Variants in ACOX3 observed in about 807,000 individuals in gnomAD.
ACOX3 encodes the protein acyl-CoA oxidase 3, pristanoyl.
ACOX3 carries 73 observed loss-of-function variants against 81.5 expected under a neutral mutation model. That is an observed-to-expected ratio of 0.90 (90% CI 0.74 to 1.09). ACOX3 has a LOEUF of 1.09. Ranked by LOEUF, ACOX3 falls within the 50% of genes least tolerant of loss-of-function variation. The pLI, the probability that ACOX3 is intolerant of heterozygous loss-of-function variation, is 0.00. For missense variants in ACOX3, 947 were observed against 928.0 expected (o/e 1.02, Z -0.27); for synonymous variants, 387 against 375.1 (o/e 1.03, Z -0.37).
the ACOX3 span, chr4:8,357,874 A>G: frequency 0.012 from 1,925 of 158,316 alleles, 18 homozygotes; most frequent in Non-Finnish European, 0.019. Flanking sequence ...TAAGTCCCCC[A>G]GCCAACTGAG....
chr4:8,428,918 T>C (rs973053934), intron 1 of ACOX3, among the ~76,000 whole-genome samples: 2 of 152,198 alleles, frequency 1.3e-5, no homozygotes, highest in Non-Finnish European at 2.9e-5. Flanking sequence ...GCCCAAGAGC[T>C]TGCTGAAGTT....
Position 8,368,789 on chromosome 4 carries a change from C to T in ACOX3, c.1984-1709G>A, listed in dbSNP as rs1345085350. 2.7e-5 allele frequency among the ~76,000 whole-genome samples: 4 copies of T among 150,344 alleles called. No individual in the cohort carries two copies. The East Asian group carries it at 5.9e-4, about 22-fold the overall frequency. On this transcript the variant is annotated intron_variant, in intron 17 of 17. Transcript: ENST00000356406. This position sits in a 1 kb window ranked among gnomAD's most constrained non-coding sequence, Gnocchi z 5.9. ...TGTTGGCCAGGCTGGAGTGCAGTGG[C>T]GCGATCACTGCCCACCACAGCCTCG...
At position 8,381,474 on chromosome 4, in the gene ACOX3, T is replaced by C. The variant is rs762482064; in HGVS notation, c.1653+18A>G. 10 of 1,602,522 alleles carry C rather than the reference T, an allele frequency of 6.2e-6. No individual in the cohort carries two copies. The highest frequency in any genetic ancestry group is 2.2e-5 in the South Asian group (2 of 90,538). ...AGAGCAAATAATACAAAAGGGAATT[T>C]TGAAAACAAATACTTACCTGGCATT... is the stretch of plus-strand genomic sequence containing the variant. On this transcript the variant is annotated intron_variant, in intron 14 of 17. Transcript: ENST00000356406. The surrounding 1 kb of genome is among the most constrained non-coding windows in gnomAD (Gnocchi z 4.3).
At position 8,406,772 on chromosome 4, in the gene ACOX3, C is replaced by T. The variant is rs185894083; in HGVS notation, c.688-729G>A. Among the ~76,000 whole-genome samples, 2 of 152,330 alleles carry T rather than the reference C, an allele frequency of 1.3e-5. No homozygotes were observed. The highest frequency in any genetic ancestry group is 2.9e-5 in the Non-Finnish European group (2 of 68,024). On this transcript the variant is annotated intron_variant, in intron 6 of 17. Coordinates refer to ENST00000356406, the MANE Select transcript of ACOX3 (RefSeq NM_003501.3). The surrounding 1 kb of genome is among the most constrained non-coding windows in gnomAD (Gnocchi z 5.6). Reference sequence around the variant, plus strand: ...TTATTAGAGACTTTTAGTACTTTCACTAATTTGCTACTGCTATCTAGAAGG... The same window carrying T: ...TTATTAGAGACTTTTAGTACTTTCATTAATTTGCTACTGCTATCTAGAAGG...
Position 8,414,443 on chromosome 4 carries a change from G to A in ACOX3, c.454-62C>T. On this transcript the variant is annotated intron_variant, in intron 4 of 17. Coordinates refer to ENST00000356406, the MANE Select transcript of ACOX3 (RefSeq NM_003501.3). The surrounding 1 kb of genome is among the most constrained non-coding windows in gnomAD (Gnocchi z 6.1). ...AAGTTCTTTGTGCACATTCCCAGAA[G>A]GACCTCACTGCCATCTTTCCTTTAA... is the stretch of plus-strand genomic sequence containing the variant. 1 of 1,394,524 alleles carries A rather than the reference G, an allele frequency of 7.2e-7. No homozygotes were observed. The highest frequency in any genetic ancestry group is 1.0e-6 in the Non-Finnish European group (1 of 981,982). 86.4% of individuals were successfully genotyped at this position (1,394,524 alleles called of 1,614,324 possible).
Position 8,414,481 on chromosome 4 carries a change from A to T in ACOX3, c.454-100T>A. ...ATCTTTCCTTTAAAGATGAAACCAC[A>T]TATCAAAGCCCCAAATTTCCATCTA... On this transcript the variant is annotated intron_variant, in intron 4 of 17. Coordinates refer to ENST00000356406, the MANE Select transcript of ACOX3 (RefSeq NM_003501.3). The surrounding 1 kb of genome is among the most constrained non-coding windows in gnomAD (Gnocchi z 6.1). 9.1e-7 allele frequency: 1 copy of T among 1,095,910 alleles called. No individual in the cohort carries two copies. 67.9% of individuals were successfully genotyped at this position (1,095,910 alleles called of 1,614,324 possible).
Position 8,389,708 on chromosome 4 carries a change from C to T in ACOX3, c.1327G>A (p.Asp443Asn). 1 of 1,614,022 alleles carries T rather than the reference C, an allele frequency of 6.2e-7. No individual in the cohort carries two copies. The change falls in exon 12 of 18, where the codon GAC becomes AAC. Residue 443 changes from aspartate (D) to asparagine (N), a missense_variant. Asp to Asn is a conservative substitution (Grantham distance 23, BLOSUM62 1). Transcript: ENST00000356406. This position sits in a 1 kb window ranked among gnomAD's most constrained non-coding sequence, Gnocchi z 5.3. Reference sequence around the variant, plus strand: ...TCGTATGTGCAGTTGGGATCGTTGTCATCTCTAAGGACACCCAACCGGTTC... The same window carrying T: ...TCGTATGTGCAGTTGGGATCGTTGTTATCTCTAAGGACACCCAACCGGTTC... ...AMNRLGVLRD[D>N]NDPNCTYEGD...
At chr4:8,408,272 A>AG (rs1242843835) in intron 6 of ACOX3, among the ~76,000 whole-genome samples, 1 of 151,724 alleles carries the variant, frequency 6.6e-6, no homozygotes, top group Non-Finnish European at 1.5e-5. Flanking sequence ...AAAAAAAAAA[A>AG]AGAAAAAAAG....
chr4:8,380,813 C>T (rs368344602), intron 14 of ACOX3, among the ~76,000 whole-genome samples: 139 of 152,334 alleles, frequency 9.1e-4, no homozygotes, highest in African/African-American at 3.0e-3. Context: ...TTAGGGCTGG[C>T]GCACTCCAGC....
At chr4:8,365,376 A>G (rs1715348316), downstream of ACOX3, among the ~76,000 whole-genome samples, 1 of 152,260 alleles carries the variant, frequency 6.6e-6, no homozygotes, top group Admixed American at 6.5e-5. Context: ...TTTAAACCCA[A>G]GGAAGCTTCT....
At chr4:8,373,540 G>T in intron 16 of ACOX3, 21 bp downstream of exon 16, 1 of 1,613,510 alleles carries the variant, frequency 6.2e-7, no homozygotes, top group Non-Finnish European at 8.5e-7. Context: ...TGTAGAGAAC[G>T]CGACAGCACC....
the ACOX3 span, among the ~76,000 whole-genome samples, chr4:8,360,103 C>G: frequency 2.0e-5 from 3 of 152,200 alleles, no homozygotes; most frequent in Non-Finnish European, 2.9e-5. Flanking sequence ...TTCTTGGGAG[C>G]TTGACCTTGT....
chr4:8,399,648 C>A lies in ACOX3; in HGVS notation c.781G>T (p.Ala261Ser), dbSNP rs193103573. ...GGAACTCTGACCTTGTGGAACATGG[C>A]GAAACTGTGGGGAAGCAGCAGGGCT... ...LGQNGLDNGF[A>S]MFHKVRVPRQ... The change falls in exon 8 of 18, where the codon GCC becomes TCC. Residue 261 changes from alanine to serine, a missense_variant. Ala to Ser is a moderately conservative substitution (Grantham distance 99). Coordinates refer to ENST00000356406, the MANE Select transcript of ACOX3 (RefSeq NM_003501.3). The surrounding 1 kb of genome is among the most constrained non-coding windows in gnomAD (Gnocchi z 4.9). 2 of 1,613,980 alleles carry A rather than the reference C, an allele frequency of 1.2e-6. No individual in the cohort carries two copies. Among genetic ancestry groups the A allele is most frequent in the East Asian group, 4.5e-5 (2 of 44,872 alleles).
rs73085869 is a variant in ACOX3, at chr4:8,370,614, G to T, written c.1983+294C>A. 0.019 allele frequency among the ~76,000 whole-genome samples: 2,915 copies of T among 151,642 alleles called. 109 individuals carry two copies. Among genetic ancestry groups the T allele is most frequent in the African/African-American group, 0.067 (2,782 of 41,246 alleles). On this transcript the variant is annotated intron_variant, in intron 17 of 17. Coordinates refer to ENST00000356406, the MANE Select transcript of ACOX3 (RefSeq NM_003501.3). The surrounding 1 kb of genome is among the most constrained non-coding windows in gnomAD (Gnocchi z 6.3). ...CGGGGGGAGTGGGAGGAGGGCAGAG[G>T]TCACAGTGTGTGGACCTCCAACCTC... is the stretch of plus-strand genomic sequence containing the variant.
At chr4:8,398,473 C>T (rs145727650) in intron 8 of ACOX3, among the ~76,000 whole-genome samples, 40 of 152,112 alleles carry the variant, frequency 2.6e-4, no homozygotes, top group Middle Eastern at 6.8e-3. Flanking sequence ...TTTCTCTAAA[C>T]TTCATTTCTT....
intron 1 of ACOX3, chr4:8,428,385 G>A (rs1419943162): frequency 1.3e-5 from 2 of 152,736 alleles, no homozygotes; most frequent in African/African-American, 4.8e-5. Context: ...GTCGGCCCGC[G>A]ACCGACTCGG....
At chr4:8,401,427 C>G (rs1194988888) in intron 7 of ACOX3, among the ~76,000 whole-genome samples, 1 of 152,188 alleles carries the variant, frequency 6.6e-6, no homozygotes, top group Non-Finnish European at 1.5e-5. Flanking sequence ...CCCCCATTGT[C>G]ACCCGGTCCT....
chr4:8,408,733 G>A (rs554880817), intron 6 of ACOX3, among the ~76,000 whole-genome samples: 1 of 152,312 alleles, frequency 6.6e-6, no homozygotes, highest in African/African-American at 2.4e-5. Context: ...AGTGGTGACA[G>A]TCTTTTGTGT....
the ACOX3 span, among the ~76,000 whole-genome samples, chr4:8,359,316 C>T: frequency 3.3e-5 from 5 of 152,188 alleles, no homozygotes; most frequent in South Asian, 2.1e-4. This position sits in a 1 kb window ranked among gnomAD's most constrained non-coding sequence, Gnocchi z 6.0. Context: ...AGAGGCCCAA[C>T]GTAGGGGAGT....
Sources: gnomAD v4.1 joint callset for allele counts (sites outside exome capture counted in the v4.1 genomes callset) on GRCh38, gnomAD v4.1.1 for gene constraint, Gnocchi (gnomAD v3.1) non-coding constraint, MANE v1.5 for transcripts, NCBI Gene and HGNC (gene_info 2026-07-23, HGNC 2026-07-21) for gene names.